Variants in PRKCZ observed in about 807,000 individuals in gnomAD.
PRKCZ encodes protein kinase C zeta, also known as protein kinase C zeta type.
PRKCZ carries 33 observed loss-of-function variants against 79.5 expected under a neutral mutation model. The ratio of observed to expected loss-of-function variants is 0.41; its 90% CI spans 0.31 to 0.55. PRKCZ has a LOEUF of 0.55. Ranked by LOEUF, PRKCZ falls within the 20% of genes least tolerant of loss-of-function variation. PRKCZ has a pLI of 0.19. For synonymous variants in PRKCZ, 342 were observed against 320.9 expected (o/e 1.07, Z -0.70); for missense variants, 578 against 813.5 (o/e 0.71, Z 3.52).
intron 4 of PRKCZ, among the ~76,000 whole-genome samples, chr1:2,134,196 C>T (rs980101870): frequency 6.6e-6 from 1 of 152,198 alleles, no homozygotes; most frequent in Non-Finnish European, 1.5e-5. Flanking sequence ...CCTGGAGGAC[C>T]CCTGACTTCT....
intron 1 of PRKCZ, among the ~76,000 whole-genome samples, chr1:2,053,412 G>A (rs57714990): frequency 0.11 from 16,934 of 152,188 alleles, 3,065 homozygotes; most frequent in African/African-American, 0.38. Context: ...CTCAGACAAC[G>A]TTTGTGTTCA....
At chr1:2,155,718 CGAT>C (rs1046012886) in intron 9 of PRKCZ, among the ~76,000 whole-genome samples, 6 of 126,430 alleles carry the variant, frequency 4.7e-5, no homozygotes, top group African/African-American at 1.3e-4. Flanking sequence ...GTGACAGTGA[CGAT>C]GATAGTGGGG....
chr1:2,138,957 G>C (rs943052595), intron 5 of PRKCZ, among the ~76,000 whole-genome samples: 2 of 152,186 alleles, frequency 1.3e-5, no homozygotes, highest in African/African-American at 4.8e-5. Context: ...AAGCTGTGCA[G>C]ATCTCTGGAG....
At chr1:2,181,194 G>A (rs1259171552) in intron 16 of PRKCZ, among the ~76,000 whole-genome samples, 1 of 151,354 alleles carries the variant, frequency 6.6e-6, no homozygotes, top group Non-Finnish European at 1.5e-5. Context: ...CCCTTCACTC[G>A]GGTCTCATGG....
chr1:2,083,590 G>C (rs1663974121), intron 4 of PRKCZ, among the ~76,000 whole-genome samples: 1 of 152,158 alleles, frequency 6.6e-6, no homozygotes, highest in Admixed American at 6.5e-5. Flanking sequence ...AGCAGAACAC[G>C]GTTGAGCCAT....
At chr1:2,112,326 A>AC (rs972751286) in intron 4 of PRKCZ, among the ~76,000 whole-genome samples, 2 of 152,230 alleles carry the variant, frequency 1.3e-5, no homozygotes, top group African/African-American at 4.8e-5. Context: ...CTCAAACGGC[A>AC]CAGTGCACCT....
At position 2,083,873 on chromosome 1, in the gene PRKCZ, T is replaced by A. The variant is rs147133508; in HGVS notation, c.334+24282T>A. Among the ~76,000 whole-genome samples, 685 of 152,336 alleles carry A rather than the reference T, an allele frequency of 4.5e-3. 21 individuals are homozygous for A. The highest frequency in any genetic ancestry group is 0.038 in the Admixed American group (587 of 15,300). On this transcript the variant is annotated intron_variant, in intron 4 of 17. Coordinates refer to ENST00000378567, the MANE Select transcript of PRKCZ (RefSeq NM_002744.6). ...TGTATTGGTGTCACTTTCCTGCAGT[T>A]ACCTTAAAAATCCGCTGGTCTCTTT...
At position 2,094,458 on chromosome 1, in the gene PRKCZ, C is replaced by T. The variant is rs1666078497; in HGVS notation, c.334+34867C>T. Among the ~76,000 whole-genome samples, 1 of 146,628 alleles carries T rather than the reference C, an allele frequency of 6.8e-6. No individual in the cohort carries two copies. The highest frequency in any genetic ancestry group is 1.5e-5 in the Non-Finnish European group (1 of 66,680). On this transcript the variant is annotated intron_variant, in intron 4 of 17. Coordinates refer to ENST00000378567, the MANE Select transcript of PRKCZ (RefSeq NM_002744.6). This position sits in a 1 kb window ranked among gnomAD's most constrained non-coding sequence, Gnocchi z 7.3. ...GTTCTGAGGCACCCGCTGTGCCCGG[C>T]TCGTTGAACCTTGGGCGCTGCCCGT...
intron 4 of PRKCZ, among the ~76,000 whole-genome samples, chr1:2,110,721 G>A (rs971309530): frequency 5.9e-5 from 9 of 151,738 alleles, no homozygotes; most frequent in Non-Finnish European, 8.8e-5. Flanking sequence ...CCCTGTGAGT[G>A]TGGGTGGGGT....
chr1:2,151,811 A>C (rs1017804280), intron 9 of PRKCZ, among the ~76,000 whole-genome samples: 3 of 151,606 alleles, frequency 2.0e-5, no homozygotes, highest in Non-Finnish European at 4.4e-5. Flanking sequence ...ATGAGCCACC[A>C]CCCCCAGCTG....
Position 2,082,251 on chromosome 1 carries a change from T to C in PRKCZ, c.334+22660T>C. 2.5e-6 allele frequency: 1 copy of C among 400,414 alleles called. No homozygotes were observed. The highest frequency in any genetic ancestry group is 5.0e-6 in the Non-Finnish European group (1 of 201,472). 24.8% of individuals were successfully genotyped at this position (400,414 alleles called of 1,614,324 possible). ...TTTCCCTGCTCCAGGGCTGTGTATT[T>C]GGCAAGAGGGAGGCTCCGTGGCACG... On this transcript the variant is annotated intron_variant, in intron 4 of 17. Coordinates refer to ENST00000378567, the MANE Select transcript of PRKCZ (RefSeq NM_002744.6). The surrounding 1 kb of genome is among the most constrained non-coding windows in gnomAD (Gnocchi z 4.4).
rs912014208 is a variant in PRKCZ at position 2,138,340 on chromosome 1, G to A, written c.420+2993G>A. ...ACTGCCCTTGGACTTTGAGAAGGAA[G>A]CGTTCAGTGGGGGAGCCAAAGGGAG... is the stretch of plus-strand genomic sequence containing the variant. On this transcript the variant is annotated intron_variant, in intron 5 of 17. Transcript: ENST00000378567. 3.9e-5 allele frequency among the ~76,000 whole-genome samples: 6 copies of A among 152,306 alleles called. No individual in the cohort carries two copies. The South Asian group carries it at 1.0e-3, about 26-fold the overall frequency.
intron 16 of PRKCZ, chr1:2,183,829 C>G (rs71630967): frequency 6.6e-6 from 1 of 152,426 alleles, no homozygotes; most frequent in South Asian, 2.1e-4. Flanking sequence ...GGGCTCCCAT[C>G]AGGTTCCACC....
chr1:2,058,548 C>T lies in PRKCZ; in HGVS notation c.284-993C>T, dbSNP rs543034515. Among the ~76,000 whole-genome samples, 157 of 152,096 alleles carry T rather than the reference C, an allele frequency of 1.0e-3. 1 individual carries two copies. Among genetic ancestry groups the T allele is most frequent in the African/African-American group, 3.5e-3 (147 of 41,450 alleles). On this transcript the variant is annotated intron_variant, in intron 3 of 17. Coordinates refer to ENST00000378567, the MANE Select transcript of PRKCZ (RefSeq NM_002744.6). Reference sequence around the variant, plus strand: ...TGGTTGTGATAGTAAGCACATTTTGCCTCTCTATGTGGAAAGATACAGTGG... The same window carrying T: ...TGGTTGTGATAGTAAGCACATTTTGTCTCTCTATGTGGAAAGATACAGTGG...
At chr1:2,153,949 T>C (rs1363899653) in intron 9 of PRKCZ, among the ~76,000 whole-genome samples, 1 of 152,226 alleles carries the variant, frequency 6.6e-6, no homozygotes, top group Non-Finnish European at 1.5e-5. Context: ...CAGGAGTCAC[T>C]GGCAAGCCCC....
intron 4 of PRKCZ, among the ~76,000 whole-genome samples, chr1:2,102,420 T>C (rs1667602107): frequency 6.6e-6 from 1 of 151,740 alleles, no homozygotes. Context: ...GCAAGCCCCG[T>C]CTCCCAAGTT....
intron 4 of PRKCZ, among the ~76,000 whole-genome samples, chr1:2,118,207 A>C (rs1011936213): frequency 6.6e-6 from 1 of 150,840 alleles, no homozygotes; most frequent in Non-Finnish European, 1.5e-5. Context: ...ATGTTGGCCA[A>C]GCTGGTCTTG....
At chr1:2,074,494 G>A (rs1662025692) in intron 4 of PRKCZ, among the ~76,000 whole-genome samples, 2 of 152,210 alleles carry the variant, frequency 1.3e-5, no homozygotes, top group Non-Finnish European at 2.9e-5. Flanking sequence ...ATTGCTGCAG[G>A]TGGGCAGATT....
rs745511867 is a variant in PRKCZ at position 2,056,464 on chromosome 1, C to T, written c.194-20C>T. 6.2e-6 allele frequency: 10 copies of T among 1,609,548 alleles called. No individual in the cohort carries two copies. In the African/African-American group the frequency reaches 1.3e-4, roughly 22 times the overall value. ...CCTCGGGCCTTCGGCGACGTCAGCA[C>T]CGTCTCCTGCCCCACCCAGGTGACC... is the stretch of plus-strand genomic sequence containing the variant. On this transcript the variant is annotated intron_variant, in intron 2 of 17. Coordinates refer to ENST00000378567, the MANE Select transcript of PRKCZ (RefSeq NM_002744.6).
Sources: allele counts gnomAD v4.1 joint callset (sites outside exome capture counted in the v4.1 genomes callset), GRCh38; gene constraint gnomAD v4.1.1; non-coding constraint Gnocchi (gnomAD v3.1); transcripts MANE v1.5; gene names NCBI Gene and HGNC (gene_info 2026-07-23, HGNC 2026-07-21).